Variants in L3MBTL1 observed in about 807,000 individuals in gnomAD.
L3MBTL1 encodes the protein L3MBTL histone methyl-lysine binding protein 1.
Under a neutral mutation model 105.3 loss-of-function variants are expected in L3MBTL1, and 75 were observed. The observed-to-expected ratio is 0.71, with a 90% CI of 0.59 to 0.86. The LOEUF is 0.86. Ranked by LOEUF, L3MBTL1 falls within the 40% of genes least tolerant of loss-of-function variation. L3MBTL1 has a pLI of 0.00. For missense variants in L3MBTL1, 1,069 were observed against 1,126.4 expected (o/e 0.95, Z 0.73); for synonymous variants, 452 against 436.2 (o/e 1.04, Z -0.45).
At chr20:43,532,528 C>T in intron 11 of L3MBTL1, 1 of 452,706 alleles carries the variant, frequency 2.2e-6, no homozygotes, top group East Asian at 3.4e-5. Context: ...TCCTTCCAGG[C>T]ACTTACCTTC....
rs578179598 is a variant in L3MBTL1, at chr20:43,535,959, A to G, written c.1925+23A>G. On this transcript the variant is annotated intron_variant, in intron 17 of 21. Coordinates refer to ENST00000418998, the MANE Select transcript of L3MBTL1 (RefSeq NM_001377303.1). Reference sequence around the variant, plus strand: ...CCGGTGAGTGAAGGTTCCTGGTGAGAGACCCTCAGCGTTGTTTTGCACTTA... The same window carrying G: ...CCGGTGAGTGAAGGTTCCTGGTGAGGGACCCTCAGCGTTGTTTTGCACTTA... 8.7e-6 allele frequency: 14 copies of G among 1,601,700 alleles called. No individual in the cohort carries two copies. In the South Asian group the frequency reaches 1.4e-4, roughly 16 times the overall value.
chr20:43,546,311 C>T (rs139353884), downstream of L3MBTL1, among the ~76,000 whole-genome samples: 5 of 152,322 alleles, frequency 3.3e-5, no homozygotes, highest in African/African-American at 1.2e-4. Context: ...AGCATTGCCC[C>T]CTGAGCTGCA....
intron 5 of L3MBTL1, 61 bp downstream of exon 5, chr20:43,515,220 G>A: frequency 6.2e-7 from 1 of 1,613,818 alleles, no homozygotes; most frequent in Non-Finnish European, 8.5e-7. Flanking sequence ...CCTCATTCCT[G>A]TTCAGGGGTT....
intron 1 of L3MBTL1, among the ~76,000 whole-genome samples, chr20:43,510,723 T>A (rs982533921): frequency 4.0e-5 from 6 of 151,814 alleles, no homozygotes; most frequent in Non-Finnish European, 8.8e-5. Context: ...AGCTAATTTT[T>A]TTTTTTTCTT....
At chr20:43,529,405 C>T (rs1338419860) in intron 9 of L3MBTL1, 37 bp downstream of exon 9, 1 of 1,397,646 alleles carries the variant, frequency 7.2e-7, no homozygotes. Context: ...CTGATGATGT[C>T]TCTCAGTGCA....
At chr20:43,533,239 A>C (rs2145462600) in intron 12 of L3MBTL1, 103 bp from the exon 13 acceptor site, 1 of 1,007,794 alleles carries the variant, frequency 9.9e-7, no homozygotes, top group East Asian at 2.5e-5. Flanking sequence ...TCTCCCTCTC[A>C]CTAAGAAGTA....
chr20:43,508,108 G>A (rs1332109751), intron 1 of L3MBTL1, among the ~76,000 whole-genome samples: 4 of 152,052 alleles, frequency 2.6e-5, no homozygotes, highest in Non-Finnish European at 5.9e-5. Flanking sequence ...GGTTTTCTTG[G>A]GAAATGAATG....
intron 19 of L3MBTL1, chr20:43,539,072 G>A (rs55754827): frequency 0.021 from 3,166 of 152,910 alleles, 59 homozygotes; most frequent in Non-Finnish European, 0.034. Context: ...AGTGTGGTTG[G>A]TAGGGCTGAG....
rs1388969664 is a variant in L3MBTL1, at chr20:43,516,207, T to TGTGAGGTGTGTATATACCTTTGGAG, written c.862+34_862+58dup. The TGTGAGGTGTGTATATACCTTTGGAG allele has an allele frequency of 9.1e-6, 14 of 1,545,954 alleles. No homozygotes were observed. In the South Asian group the frequency reaches 1.3e-4, roughly 15 times the overall value. On this transcript the variant is annotated intron_variant, in intron 7 of 21. Transcript: ENST00000418998. The stretch of plus-strand genomic sequence containing the variant: ...GGTGGCTTGTGTGTATATATATTCG[T>TGTGAGGTGTGTATATACCTTTGGAG]GTGAGGTGTGTATATACCTTTGGAG...
At chr20:43,533,441 C>T (rs764306734) in intron 13 of L3MBTL1, 23 bp downstream of exon 13, 2 of 1,600,068 alleles carry the variant, frequency 1.2e-6, no homozygotes, top group South Asian at 2.2e-5. Context: ...CCTGAGCAAG[C>T]CCCCTTTCCT....
At position 43,513,492 on chromosome 20, in the gene L3MBTL1, G is replaced by A. The variant is rs187521657; in HGVS notation, c.-12G>A. The A allele has an allele frequency of 3.5e-4, 550 of 1,549,732 alleles. 4 individuals are homozygous for A. In the African/African-American group the frequency reaches 6.9e-3, roughly 19 times the overall value. The stretch of plus-strand genomic sequence containing the variant: ...GGCTTGTAGGCCTGCCAGGATGGAG[G>A]GGCATGCTGGGATGGAGGGGCATGC... On this transcript the variant is annotated 5_prime_UTR_variant, in exon 2 of 22. Transcript: ENST00000418998.
intron 16 of L3MBTL1, among the ~76,000 whole-genome samples, chr20:43,535,450 A>G (rs2019556857): frequency 6.6e-6 from 1 of 152,172 alleles, no homozygotes; most frequent in Non-Finnish European, 1.5e-5. Context: ...CTCCAAGCAT[A>G]GGCAGAGCCT....
Position 43,530,907 on chromosome 20 carries a change from A to ACATCCACTCTCACT in L3MBTL1, c.1284+18_1284+19insCATCCACTCTCACT. On this transcript the variant is annotated intron_variant, in intron 11 of 21. Coordinates refer to ENST00000418998, the MANE Select transcript of L3MBTL1 (RefSeq NM_001377303.1). Reference sequence around the variant, plus strand: ...AGAGCCACGTGAGTGCCCCTGAGTGAGAGTGGATGTCACTCCCATGTGCCA... The same window carrying ACATCCACTCTCACT: ...AGAGCCACGTGAGTGCCCCTGAGTGACATCCACTCTCACTGAGTGGATGTCACTCCCATGTGCCA... 1 of 1,601,446 alleles carries ACATCCACTCTCACT rather than the reference A, an allele frequency of 6.2e-7. No individual in the cohort carries two copies. The highest frequency in any genetic ancestry group is 8.5e-7 in the Non-Finnish European group (1 of 1,171,202).
rs781366902 is a variant in L3MBTL1, at chr20:43,535,840, C to T, written c.1829C>T (p.Pro610Leu). The T allele has an allele frequency of 3.1e-6, 5 of 1,587,700 alleles. No individual in the cohort carries two copies. The African/African-American group carries it at 5.5e-5, about 17-fold the overall frequency. ...TGHPLQPPLG[P>L]REPSSASPGG... ...CGCCTCCTTTCTGCTCTTTTAGGAC[C>T]CAGAGAGCCCAGCTCTGCCTCCCCT... Residue 610 changes from proline to leucine, a missense_variant, in exon 17 of 22, where the codon CCC (proline) becomes CTC (leucine). Physicochemically the swap from Pro to Leu is moderately conservative, Grantham distance 98. Coordinates refer to ENST00000418998, the MANE Select transcript of L3MBTL1 (RefSeq NM_001377303.1).
chr20:43,530,344 G>A lies in L3MBTL1; in HGVS notation c.1117G>A (p.Val373Ile). ...DGYSECHDFW[V>I]NANSPDIHPA... ...GTATTCTGAGTGCCATGACTTCTGG[G>A]TCAATGCCAACTCCCCTGACATTCA... Residue 373 changes from valine to isoleucine, a missense_variant, in exon 10 of 22, where the codon GTC becomes ATC. Transcript: ENST00000418998. The A allele has an allele frequency of 6.2e-7, 1 of 1,614,114 alleles. No individual in the cohort carries two copies. The highest frequency in any genetic ancestry group is 1.1e-5 in the South Asian group (1 of 91,066).
At chr20:43,516,039 G>T (rs1274051648) in intron 6 of L3MBTL1, 54 bp from the exon 7 acceptor site, 31 of 1,387,968 alleles carry the variant, frequency 2.2e-5, no homozygotes, top group Non-Finnish European at 3.2e-5. Context: ...AGACCCTAGG[G>T]CTTCATCCCA....
At chr20:43,513,436 T>C (rs1339209615) in intron 1 of L3MBTL1, 40 bp from the exon 2 acceptor site, 1 of 1,521,588 alleles carries the variant, frequency 6.6e-7, no homozygotes, top group African/African-American at 1.4e-5. Context: ...GTAACAAAGG[T>C]CCCCACCTGA....
Position 43,530,337 on chromosome 20 carries a change from C to A in L3MBTL1, c.1110C>A (p.Asp370Glu). The change falls in exon 10 of 22, where the codon GAC becomes GAA. Residue 370 changes from aspartate to glutamate, a missense_variant. By Grantham distance (45) the Asp-to-Glu change is conservative. Coordinates refer to ENST00000418998, the MANE Select transcript of L3MBTL1 (RefSeq NM_001377303.1). ...LHFDGYSECH[D>E]FWVNANSPDI... is the part of the protein sequence containing the mutation. ...TTGATGGGTATTCTGAGTGCCATGACTTCTGGGTCAATGCCAACTCCCCTG... is the reference window on the plus strand; with the variant it reads ...TTGATGGGTATTCTGAGTGCCATGAATTCTGGGTCAATGCCAACTCCCCTG... 1 of 1,614,160 alleles carries A rather than the reference C, an allele frequency of 6.2e-7. No individual in the cohort carries two copies. Among genetic ancestry groups the A allele is most frequent in the Non-Finnish European group, 8.5e-7 (1 of 1,180,024 alleles).
chr20:43,519,494 G>A (rs923244973), intron 7 of L3MBTL1, among the ~76,000 whole-genome samples: 2 of 152,118 alleles, frequency 1.3e-5, no homozygotes, highest in Non-Finnish European at 2.9e-5. Flanking sequence ...AAATTAGCCA[G>A]GCATGGCGTC....
Sources: gnomAD v4.1 joint callset for allele counts (sites outside exome capture counted in the v4.1 genomes callset) on GRCh38, gnomAD v4.1.1 for gene constraint, MANE v1.5 for transcripts, NCBI Gene and HGNC (gene_info 2026-07-23, HGNC 2026-07-21) for gene names.